The following ANKRD6 variants were observed in gnomAD, a reference collection of about 807,000 sequenced individuals.
The protein encoded by ANKRD6 is ankyrin repeat domain-containing protein 6.
A neutral mutation model predicts 82.3 loss-of-function variants in ANKRD6; 56 were observed. The observed-to-expected ratio is 0.68, with a 90% CI of 0.55 to 0.85. ANKRD6 has a LOEUF of 0.85. Ranked by LOEUF, ANKRD6 falls within the 40% of genes least tolerant of loss-of-function variation. ANKRD6 has a pLI of 0.00. For missense variants in ANKRD6, 852 were observed against 907.6 expected (o/e 0.94, Z 0.79); for synonymous variants, 347 against 352.1 (o/e 0.99, Z 0.16).
intron 1 of ANKRD6, among the ~76,000 whole-genome samples, chr6:89,475,814 G>A (rs978153257): frequency 6.6e-6 from 1 of 152,194 alleles, no homozygotes; most frequent in Non-Finnish European, 1.5e-5. Flanking sequence ...CAGAAAGGTT[G>A]TACCCATGTG....
chr6:89,442,800 A>G (rs1582608171), intron 1 of ANKRD6, among the ~76,000 whole-genome samples: 2 of 152,166 alleles, frequency 1.3e-5, no homozygotes, highest in South Asian at 4.1e-4. Flanking sequence ...GTGGAGACCA[A>G]GGTTCTTATT....
chr6:89,438,441 A>G (rs958945231), intron 1 of ANKRD6, among the ~76,000 whole-genome samples: 1 of 152,166 alleles, frequency 6.6e-6, no homozygotes, highest in Non-Finnish European at 1.5e-5. Flanking sequence ...CTTACATTCT[A>G]TTGGCAGAAC....
At chr6:89,535,194 G>C (rs1167464035) in intron 1 of ANKRD6, among the ~76,000 whole-genome samples, 2 of 152,168 alleles carry the variant, frequency 1.3e-5, no homozygotes. Context: ...TAATGTAAGT[G>C]CATCCTGACT....
chr6:89,586,306 A>G (rs1377340301), intron 2 of ANKRD6, among the ~76,000 whole-genome samples: 5 of 152,228 alleles, frequency 3.3e-5, no homozygotes, highest in Non-Finnish European at 5.9e-5. Context: ...GTTAGAAACC[A>G]GAAGAGAAGC....
intron 1 of ANKRD6, among the ~76,000 whole-genome samples, chr6:89,563,684 T>C (rs1282789551): frequency 6.6e-6 from 1 of 152,332 alleles, no homozygotes; most frequent in East Asian, 1.9e-4. Flanking sequence ...CCCAATTTAC[T>C]GTCAGGGGTT....
At chr6:89,608,368 C>CACACTATATATATATATA in intron 5 of ANKRD6, among the ~76,000 whole-genome samples, 1 of 130,752 alleles carries the variant, frequency 7.6e-6, no homozygotes, top group African/African-American at 3.1e-5. Context: ...CACACACACA[C>CACACTATATATATATATA]TATATATATA....
intron 1 of ANKRD6, among the ~76,000 whole-genome samples, chr6:89,549,101 T>C (rs1207218478): frequency 6.6e-6 from 1 of 152,014 alleles, no homozygotes; most frequent in Non-Finnish European, 1.5e-5. Flanking sequence ...TCCCAGCTAT[T>C]TGGGAAGCTG....
chr6:89,593,502 C>G (rs1795290514), intron 2 of ANKRD6, among the ~76,000 whole-genome samples: 1 of 152,188 alleles, frequency 6.6e-6, no homozygotes, highest in Non-Finnish European at 1.5e-5. Flanking sequence ...TTATAGCCCA[C>G]TTTTTTGGGG....
At chr6:89,537,355 C>A (rs922029264) in intron 1 of ANKRD6, among the ~76,000 whole-genome samples, 5 of 152,068 alleles carry the variant, frequency 3.3e-5, no homozygotes, top group African/African-American at 9.7e-5. Context: ...TCTGCAGGAA[C>A]CCCACCCACA....
At chr6:89,461,491 G>A (rs1055517067) in intron 1 of ANKRD6, among the ~76,000 whole-genome samples, 1 of 152,144 alleles carries the variant, frequency 6.6e-6, no homozygotes, top group African/African-American at 2.4e-5. Flanking sequence ...AGAGATTCAT[G>A]GCTTTATGTT....
chr6:89,630,840 G>T lies in ANKRD6; in HGVS notation c.2020G>T (p.Ala674Ser). The T allele has an allele frequency of 6.2e-7, 1 of 1,613,840 alleles. No homozygotes were observed. Among genetic ancestry groups the T allele is most frequent in the Non-Finnish European group, 8.5e-7 (1 of 1,179,900 alleles). The change falls in exon 16 of 16, where the codon GCT (alanine) becomes TCT (serine). Residue 674 changes from alanine (A) to serine (S), a missense_variant. By Grantham distance (99) the Ala-to-Ser change is moderately conservative. Transcript: ENST00000339746. Reference sequence around the variant, plus strand: ...GGAGCTTACCCAGTATTTTTTTGAGGCTGTTTCTACCCAGATGGAAAAGTG... The same window carrying T: ...GGAGCTTACCCAGTATTTTTTTGAGTCTGTTTCTACCCAGATGGAAAAGTG... Reference protein sequence around the residue: ...ALELTQYFFEAVSTQMEKWYE... With the variant: ...ALELTQYFFESVSTQMEKWYE...
chr6:89,536,089 G>A (rs1783791335), intron 1 of ANKRD6, among the ~76,000 whole-genome samples: 1 of 152,220 alleles, frequency 6.6e-6, no homozygotes, highest in Non-Finnish European at 1.5e-5. Context: ...AATTAGCCGG[G>A]AATGGTGGCA....
At chr6:89,493,387 ACTCT>A (rs1236748322) in intron 1 of ANKRD6, among the ~76,000 whole-genome samples, 4 of 145,664 alleles carry the variant, frequency 2.7e-5, no homozygotes, top group African/African-American at 7.6e-5. Flanking sequence ...GTCAACTCTC[ACTCT>A]CTCTCTCCCT....
chr6:89,473,098 T>A (rs1179822429), intron 1 of ANKRD6, among the ~76,000 whole-genome samples: 1 of 152,172 alleles, frequency 6.6e-6, no homozygotes, highest in East Asian at 1.9e-4. Context: ...AGAATTTATT[T>A]AACAGCATAT....
At chr6:89,442,592 C>CCAACAGAGTGTCAGACCCTGGG (rs1771537544) in intron 1 of ANKRD6, among the ~76,000 whole-genome samples, 1 of 146,790 alleles carries the variant, frequency 6.8e-6, no homozygotes, top group Non-Finnish European at 1.5e-5. Flanking sequence ...CCACTGCACT[C>CCAACAGAGTGTCAGACCCTGGG]CAACAGAGTG....
intron 1 of ANKRD6, among the ~76,000 whole-genome samples, chr6:89,539,873 CAAA>C (rs749956078): frequency 1.5e-5 from 2 of 135,334 alleles, no homozygotes; most frequent in African/African-American, 2.7e-5. Flanking sequence ...TTGGATTCTA[CAAA>C]AAAAAAAAAC....
At chr6:89,613,926 C>T (rs779269300) in intron 7 of ANKRD6, 36 bp downstream of exon 7, 1 of 1,605,010 alleles carries the variant, frequency 6.2e-7, no homozygotes, top group East Asian at 2.2e-5. Context: ...CTGCCAGCAC[C>T]CTTCCCACAA....
chr6:89,494,684 C>T (rs545482062), intron 1 of ANKRD6, among the ~76,000 whole-genome samples: 4 of 152,144 alleles, frequency 2.6e-5, no homozygotes, highest in Non-Finnish European at 5.9e-5. Context: ...TTTTGCCTAT[C>T]CACACCATCC....
intron 4 of ANKRD6, 134 bp downstream of exon 4, chr6:89,603,261 C>A: frequency 4.7e-6 from 3 of 643,812 alleles, no homozygotes; most frequent in Non-Finnish European, 5.2e-6. Flanking sequence ...TATGATTTAA[C>A]ATGATTAAAT....
Sources: gnomAD v4.1 joint callset for allele counts (sites outside exome capture counted in the v4.1 genomes callset) on GRCh38, gnomAD v4.1.1 for gene constraint, MANE v1.5 for transcripts, NCBI Gene and HGNC (gene_info 2026-07-23, HGNC 2026-07-21) for gene names.